MYSM1: variants seen among roughly 807,000 people sequenced by gnomAD.
MYSM1 encodes Myb like, SWIRM and MPN domains 1, also known as deubiquitinase MYSM1.
In MYSM1, 51 loss-of-function variants were observed where a neutral mutation model predicts 116.0. That is an observed-to-expected ratio of 0.44 (90% CI 0.35 to 0.56). The LOEUF is 0.56. Ranked by LOEUF, MYSM1 falls within the 20% of genes least tolerant of loss-of-function variation. MYSM1 has a pLI of 0.00. For missense variants in MYSM1, 900 were observed against 974.9 expected (o/e 0.92, Z 1.02); for synonymous variants, 313 against 315.2 (o/e 0.99, Z 0.07).
rs776602786 is a variant in MYSM1, at chr1:58,699,974, CTA to C, written c.68+9_68+10del. On this transcript the variant is annotated intron_variant, in intron 1 of 19. Coordinates refer to ENST00000472487, the MANE Select transcript of MYSM1 (RefSeq NM_001085487.3). ...TCTCCGCCCCAGAGAGACCCGGTCT[CTA>C]AGCCTCACCCTGGCTGTGCCCCCGC... 4 of 1,613,448 alleles carry C rather than the reference CTA, an allele frequency of 2.5e-6. No individual in the cohort carries two copies. Among genetic ancestry groups the C allele is most frequent in the Non-Finnish European group, 3.4e-6 (4 of 1,180,002 alleles).
At chr1:58,682,682 TTTCTTTTTTTTCTTTTC>T (rs920984223) in intron 7 of MYSM1, 137 bp from the exon 8 acceptor site, 3 of 304,046 alleles carry the variant, frequency 9.9e-6, no homozygotes, top group African/African-American at 7.7e-5. Context: ...CTAATGCGCT[TTTCTTTTTTTTCTTTTC>T]TTTTTTTTTT....
In MYSM1 at chr1:58,655,760, CTA is replaced by C. The variant is rs1189678463; in HGVS notation, c.*4235_*4236del. ...AAACTAATATTAAAGTACTGGTAAACTAGAGATGCTGATCAAATTTGTTAAAT... is the reference window on the plus strand; with the variant it reads ...AAACTAATATTAAAGTACTGGTAAACGAGATGCTGATCAAATTTGTTAAAT... On this transcript the variant is annotated 3_prime_UTR_variant, in exon 20 of 20. Transcript: ENST00000472487. 6.6e-6 allele frequency: 1 copy of C among 152,020 alleles called. No individual in the cohort carries two copies. Among genetic ancestry groups the C allele is most frequent in the African/African-American group, 2.4e-5 (1 of 41,390 alleles). 9.4% of individuals were successfully genotyped at this position (152,020 alleles called of 1,614,324 possible).
intron 1 of MYSM1, among the ~76,000 whole-genome samples, chr1:58,699,297 C>T (rs1645028535): frequency 6.6e-6 from 1 of 151,882 alleles, no homozygotes; most frequent in South Asian, 2.1e-4. Context: ...GTAAAGAATA[C>T]ATTCAGAGGG....
At chr1:58,683,393 G>C (rs1300536713) in intron 7 of MYSM1, among the ~76,000 whole-genome samples, 1 of 151,944 alleles carries the variant, frequency 6.6e-6, no homozygotes, top group South Asian at 2.1e-4. Flanking sequence ...ATTTAAATAA[G>C]GGACAACAGA....
At chr1:58,661,723 A>G (rs1354972744) in intron 17 of MYSM1, among the ~76,000 whole-genome samples, 5 of 152,110 alleles carry the variant, frequency 3.3e-5, no homozygotes, top group Non-Finnish European at 7.4e-5. Context: ...TATTAATAAT[A>G]ATAATGAGTA....
chr1:58,698,348 C>A (rs1645013627), intron 1 of MYSM1, among the ~76,000 whole-genome samples: 1 of 151,382 alleles, frequency 6.6e-6, no homozygotes, highest in Non-Finnish European at 1.5e-5. Context: ...GATCTGCCCG[C>A]CTCGGTCTCC....
intron 8 of MYSM1, among the ~76,000 whole-genome samples, chr1:58,677,784 C>T (rs1191267164): frequency 6.6e-6 from 1 of 152,116 alleles, no homozygotes; most frequent in African/African-American, 2.4e-5. Flanking sequence ...CTGAGTTACA[C>T]ATCCTTAATC....
chr1:58,687,129 T>C (rs1042579989), intron 6 of MYSM1, among the ~76,000 whole-genome samples: 13 of 152,190 alleles, frequency 8.5e-5, no homozygotes, highest in Non-Finnish European at 1.6e-4. Flanking sequence ...GAATTCAGTC[T>C]GTAAGCAAAC....
At chr1:58,674,547 A>G (rs1644614438) in intron 10 of MYSM1, among the ~76,000 whole-genome samples, 2 of 152,182 alleles carry the variant, frequency 1.3e-5, no homozygotes. Context: ...TTTAGCACCT[A>G]TACTTTCTTT....
intron 8 of MYSM1, 111 bp downstream of exon 8, chr1:58,681,674 T>C (rs1644743897): frequency 3.8e-6 from 4 of 1,052,330 alleles, no homozygotes; most frequent in South Asian, 3.8e-5. Flanking sequence ...TCTTCCCTAC[T>C]GTAGTGATCT....
intron 14 of MYSM1, among the ~76,000 whole-genome samples, chr1:58,668,134 A>G (rs1170115290): frequency 1.3e-5 from 2 of 152,204 alleles, no homozygotes; most frequent in South Asian, 4.1e-4. Flanking sequence ...CTTTCAACCA[A>G]ACACTTAAAA....
intron 1 of MYSM1, among the ~76,000 whole-genome samples, chr1:58,696,006 C>A (rs2746083): frequency 0.12 from 18,325 of 152,196 alleles, 1,094 homozygotes; most frequent in Middle Eastern, 0.2. Flanking sequence ...TCTAAGACTG[C>A]AAAAACCTTT....
Position 58,656,406 on chromosome 1 carries a change from T to C in MYSM1, c.*3591A>G, listed in dbSNP as rs530373041. On this transcript the variant is annotated 3_prime_UTR_variant, in exon 20 of 20. Coordinates refer to ENST00000472487, the MANE Select transcript of MYSM1 (RefSeq NM_001085487.3). Reference sequence around the variant, plus strand: ...TGAGAAGTAAGAATGCAGGGAGTGATGATGAAGGAAAGGGTTTGTGGGAAA... The same window carrying C: ...TGAGAAGTAAGAATGCAGGGAGTGACGATGAAGGAAAGGGTTTGTGGGAAA... The C allele has an allele frequency of 7.9e-5, 12 of 152,074 alleles. No homozygotes were observed. Among genetic ancestry groups the C allele is most frequent in the Non-Finnish European group, 1.0e-4 (7 of 68,038 alleles). 9.4% of individuals were successfully genotyped at this position (152,074 alleles called of 1,614,324 possible).
At chr1:58,694,578 G>A (rs1363832919) in intron 2 of MYSM1, among the ~76,000 whole-genome samples, 4 of 151,158 alleles carry the variant, frequency 2.6e-5, no homozygotes, top group East Asian at 1.9e-4. Context: ...CCGAGATCAC[G>A]AAACTGCAGT....
Position 58,655,481 on chromosome 1 carries a change from T to TGATTTAGTG in MYSM1, c.*4507_*4515dup, listed in dbSNP as rs975092154. 1 of 151,780 alleles carries TGATTTAGTG rather than the reference T, an allele frequency of 6.6e-6. No individual in the cohort carries two copies. Among genetic ancestry groups the TGATTTAGTG allele is most frequent in the African/African-American group, 2.4e-5 (1 of 41,250 alleles). 9.4% of individuals were successfully genotyped at this position (151,780 alleles called of 1,614,324 possible). A position where few individuals can be genotyped will look rare whatever the true frequency, so the allele number is the denominator to read the frequency against. ...CCCCTGGGATATTTTTATTTTTTCC[T>TGATTTAGTG]GATTTAGTGGAGGCAACTATTTATT... On this transcript the variant is annotated 3_prime_UTR_variant, in exon 20 of 20. Coordinates refer to ENST00000472487, the MANE Select transcript of MYSM1 (RefSeq NM_001085487.3).
intron 11 of MYSM1, among the ~76,000 whole-genome samples, chr1:58,673,145 TACACATTC>T (rs1183411372): frequency 6.6e-6 from 1 of 152,352 alleles, no homozygotes; most frequent in African/African-American, 2.4e-5. Flanking sequence ...AGCCAGTACG[TACACATTC>T]ACACATTCTA....
At chr1:58,663,338 A>C (rs901940418) in intron 17 of MYSM1, among the ~76,000 whole-genome samples, 6 of 152,174 alleles carry the variant, frequency 3.9e-5, no homozygotes, top group Non-Finnish European at 5.9e-5. Context: ...TCTTTTATAG[A>C]GAATATTTTT....
chr1:58,674,565 C>G (rs981731313), intron 10 of MYSM1, among the ~76,000 whole-genome samples: 1 of 152,100 alleles, frequency 6.6e-6, no homozygotes, highest in Non-Finnish European at 1.5e-5. Flanking sequence ...TTTTTCATAT[C>G]TTATTTATTA....
rs1201994089 is a variant in MYSM1, at chr1:58,661,196, C to T, written c.2302G>A (p.Asp768Asn). ...TTCTGCAAACAAGTCAGGTCAGAAT[C>T]CCGGCGAAAGATTTTATCCATGGGG... ...SVPMDKIFRR[D>N]SDLTCLQKLL... Residue 768 changes from aspartate (D) to asparagine (N), a missense_variant, in exon 19 of 20, where the codon GAT becomes AAT. Transcript: ENST00000472487. 1.2e-6 allele frequency: 2 copies of T among 1,613,244 alleles called. No homozygotes were observed. The highest frequency in any genetic ancestry group is 1.7e-5 in the Admixed American group (1 of 59,968).
Sources: gnomAD v4.1 joint callset for allele counts (sites outside exome capture counted in the v4.1 genomes callset) on GRCh38, gnomAD v4.1.1 for gene constraint, MANE v1.5 for transcripts, NCBI Gene and HGNC (gene_info 2026-07-23, HGNC 2026-07-21) for gene names.